Variants in LRP1B observed in about 807,000 individuals in gnomAD.
LRP1B encodes the protein low-density lipoprotein receptor-related protein 1B.
A neutral mutation model predicts 556.6 loss-of-function variants in LRP1B; 217 were observed. The observed-to-expected ratio is 0.39, with a 90% CI of 0.35 to 0.44. LRP1B has a LOEUF of 0.44. Ranked by LOEUF, LRP1B falls within the 20% of genes least tolerant of loss-of-function variation. The probability of loss-of-function intolerance (pLI) is 1.00; values close to 1 mark genes in which losing one functional copy is unlikely to be tolerated. For missense variants in LRP1B, 5,053 were observed against 5,620.8 expected (o/e 0.90, Z 3.23); for synonymous variants, 2,047 against 1,865.8 (o/e 1.10, Z -2.50).
At chr2:140,608,909 G>T (rs948509811) in intron 41 of LRP1B, among the ~76,000 whole-genome samples, 7 of 152,054 alleles carry the variant, frequency 4.6e-5, no homozygotes, top group Non-Finnish European at 8.8e-5. Flanking sequence ...CAAAGTTTCA[G>T]CCAGGATTTC....
At chr2:141,769,110 A>T (rs771637815) in intron 2 of LRP1B, among the ~76,000 whole-genome samples, 1 of 152,138 alleles carries the variant, frequency 6.6e-6, no homozygotes, top group Admixed American at 6.5e-5. Flanking sequence ...TGAGATTCCA[A>T]ACCCAGAGCA....
At chr2:140,888,473 T>C (rs962565313) in intron 23 of LRP1B, among the ~76,000 whole-genome samples, 2 of 151,424 alleles carry the variant, frequency 1.3e-5, no homozygotes, top group African/African-American at 4.8e-5. Context: ...ATAGATGACC[T>C]ATGGCAGACT....
At chr2:141,179,290 A>G (rs1460699477) in intron 7 of LRP1B, among the ~76,000 whole-genome samples, 1 of 152,026 alleles carries the variant, frequency 6.6e-6, no homozygotes, top group East Asian at 1.9e-4. Flanking sequence ...TAGATTCCCA[A>G]TGCTACATTT....
intron 3 of LRP1B, among the ~76,000 whole-genome samples, chr2:141,462,241 G>A (rs6429882): frequency 0.85 from 129,899 of 152,148 alleles, 55,968 homozygotes; most frequent in East Asian, 0.97. Context: ...GCTCTATATT[G>A]CTAGGCCTCC....
intron 1 of LRP1B, among the ~76,000 whole-genome samples, chr2:142,127,060 C>T (rs1574714075): frequency 6.6e-6 from 1 of 151,272 alleles, no homozygotes; most frequent in East Asian, 1.9e-4. Flanking sequence ...TATCACTCAT[C>T]TAGCACCCTT....
Position 140,353,092 on chromosome 2 carries a change from A to T in LRP1B, c.11531-20T>A, listed in dbSNP as rs373821495. On this transcript the variant is annotated intron_variant, in intron 75 of 90. Coordinates refer to ENST00000389484, the MANE Select transcript of LRP1B (RefSeq NM_018557.3). ...TAAGGTCTAGAAAAGAAGAGCTCAA[A>T]ATAGCATCATCATACCCTCAATTCA... 12 of 1,611,782 alleles carry T rather than the reference A, an allele frequency of 7.4e-6. No homozygotes were observed. In the African/African-American group the frequency reaches 1.5e-4, roughly 20 times the overall value.
chr2:141,331,552 C>CTTTCTTTCT (rs1573817128), intron 3 of LRP1B, among the ~76,000 whole-genome samples: 4 of 143,068 alleles, frequency 2.8e-5, no homozygotes, highest in South Asian at 2.2e-4. Flanking sequence ...TTCTTTCTTT[C>CTTTCTTTCT]TTATTTGGGA....
intron 1 of LRP1B, among the ~76,000 whole-genome samples, chr2:142,111,948 C>T (rs1707002533): frequency 6.6e-6 from 1 of 151,898 alleles, no homozygotes; most frequent in African/African-American, 2.4e-5. Context: ...TGTAATTGAT[C>T]AGAGGTCACA....
At chr2:140,929,504 C>A (rs1438798680) in intron 20 of LRP1B, among the ~76,000 whole-genome samples, 1 of 151,952 alleles carries the variant, frequency 6.6e-6, no homozygotes, top group Non-Finnish European at 1.5e-5. Context: ...TGGGCAAGGC[C>A]TAGATCTTGA....
chr2:140,331,727 C>T (rs1680826319), intron 79 of LRP1B, among the ~76,000 whole-genome samples: 1 of 149,998 alleles, frequency 6.7e-6, no homozygotes, highest in Admixed American at 6.7e-5. Context: ...GGGTGTTTCG[C>T]TCTTGTTGCT....
intron 84 of LRP1B, among the ~76,000 whole-genome samples, chr2:140,291,298 T>TTATATATA (rs66596182): frequency 0.024 from 1,713 of 71,946 alleles, 242 homozygotes; most frequent in South Asian, 0.07. Context: ...AAATTTTATT[T>TTATATATA]TATATATATA....
chr2:140,994,389 A>ATGTGTGTGTGTGTGTGTG (rs3061707), intron 15 of LRP1B, among the ~76,000 whole-genome samples: 1 of 147,070 alleles, frequency 6.8e-6, no homozygotes, highest in Non-Finnish European at 1.5e-5. Flanking sequence ...GTAGGTAAGG[A>ATGTGTGTGTGTGTGTGTG]TGTGTGTGTG....
chr2:140,989,543 T>G lies in LRP1B; in HGVS notation c.2759A>C (p.Gln920Pro). The change falls in exon 17 of 91, where the codon CAA (glutamine) becomes CCA (proline). Residue 920 changes from glutamine (Q) to proline (P), a missense_variant. Physicochemically the swap from Gln to Pro is moderately conservative, Grantham distance 76. Around this residue, in one of 5 missense-constraint regions of LRP1B, gnomAD observed 3,619 missense variants for 3,931.9 expected, o/e 0.92. Transcript: ENST00000389484. ...AAGCAAACCTTTACCTGTGCAAGTT[T>G]GATTGGATTCATCTTCATTGCTCCC... ...DCGSNEDESN[Q>P]TCTARTCQVD... 2 of 1,613,158 alleles carry G rather than the reference T, an allele frequency of 1.2e-6. No homozygotes were observed. The highest frequency in any genetic ancestry group is 1.7e-6 in the Non-Finnish European group (2 of 1,179,358).
intron 2 of LRP1B, among the ~76,000 whole-genome samples, chr2:141,645,007 C>T (rs1252846154): frequency 6.6e-6 from 1 of 152,082 alleles, no homozygotes; most frequent in Non-Finnish European, 1.5e-5. Flanking sequence ...AAAGTATATT[C>T]TGTCTAGAGG....
chr2:140,559,006 T>C lies in LRP1B; in HGVS notation c.7195-17035A>G, dbSNP rs182382463. 2.0e-5 allele frequency among the ~76,000 whole-genome samples: 3 copies of C among 151,518 alleles called. No homozygotes were observed. In the East Asian group the frequency reaches 5.8e-4, roughly 29 times the overall value. Reference sequence around the variant, plus strand: ...TGTCAAACAAGTAAGGAAATATAAGTATAGGCTACAATATCAAAAACATTT... The same window carrying C: ...TGTCAAACAAGTAAGGAAATATAAGCATAGGCTACAATATCAAAAACATTT... On this transcript the variant is annotated intron_variant, in intron 43 of 90. Transcript: ENST00000389484.
chr2:140,530,245 G>A (rs940101639), intron 47 of LRP1B, among the ~76,000 whole-genome samples: 5 of 151,788 alleles, frequency 3.3e-5, no homozygotes, highest in African/African-American at 1.2e-4. Flanking sequence ...AAAGTGATAG[G>A]TGATTTGTGT....
intron 2 of LRP1B, among the ~76,000 whole-genome samples, chr2:141,694,017 T>C (rs1691640343): frequency 6.6e-6 from 1 of 151,964 alleles, no homozygotes; most frequent in South Asian, 2.1e-4. Context: ...ACTCTGCAGT[T>C]TGACAAAAAG....
At chr2:141,485,700 G>C (rs959937796) in intron 2 of LRP1B, among the ~76,000 whole-genome samples, 1 of 152,066 alleles carries the variant, frequency 6.6e-6, no homozygotes, top group East Asian at 1.9e-4. Flanking sequence ...TGTCCATCCT[G>C]TAAATGGACA....
chr2:140,888,140 T>A (rs76673912), intron 23 of LRP1B, among the ~76,000 whole-genome samples: 95 of 152,244 alleles, frequency 6.2e-4, no homozygotes, highest in Non-Finnish European at 1.1e-3. Context: ...CCAGGTTCCA[T>A]ATATCATTAA....
Sources: allele counts gnomAD v4.1 joint callset (sites outside exome capture counted in the v4.1 genomes callset), GRCh38; gene constraint gnomAD v4.1.1; regional missense constraint gnomAD v4.1.1; transcripts MANE v1.5; gene names NCBI Gene and HGNC (gene_info 2026-07-23, HGNC 2026-07-21).